Variants in RAB28 observed in about 807,000 individuals in gnomAD.
The protein encoded by RAB28 is ras-related protein Rab-28.
A neutral mutation model predicts 31.7 loss-of-function variants in RAB28; 24 were observed. The ratio of observed to expected loss-of-function variants is 0.76; its 90% CI spans 0.55 to 1.06. The LOEUF is 1.06. RAB28 is among the 50% of genes least tolerant of loss of function. RAB28 has a pLI of 0.00. For synonymous variants in RAB28, 100 were observed against 90.4 expected (o/e 1.11, Z -0.60); for missense variants, 254 against 258.5 (o/e 0.98, Z 0.12).
chr4:13,400,261 T>C (rs965961399), intron 4 of RAB28, among the ~76,000 whole-genome samples: 7 of 152,194 alleles, frequency 4.6e-5, no homozygotes, highest in Admixed American at 1.3e-4. Context: ...TAAGTCTTGA[T>C]AACTGGCATG....
chr4:13,370,689 G>A lies in RAB28; in HGVS notation c.574-2039C>T, dbSNP rs374247265. ...TGTCCAAGACTTCCTTATGATGCTC[G>A]CTCCCCCATTCCTCCCGATCCTAAC... On this transcript the variant is annotated intron_variant, in intron 6 of 6. Coordinates refer to ENST00000330852, the MANE Select transcript of RAB28 (RefSeq NM_001017979.3). 8.6e-5 allele frequency: 85 copies of A among 984,084 alleles called. 1 individual carries two copies. In the East Asian group the frequency reaches 4.8e-3, roughly 55 times the overall value. The allele number at this position is 984,084 out of a possible 1,614,324, so 61.0% of individuals were successfully genotyped here. A position where few individuals can be genotyped will look rare whatever the true frequency, so the allele number is the denominator to read the frequency against.
At chr4:13,369,909 G>A in intron 6 of RAB28, 1 of 1,612,242 alleles carries the variant, frequency 6.2e-7, no homozygotes, top group Non-Finnish European at 8.5e-7. Flanking sequence ...TCTGAGTAGA[G>A]GTGGTATGTT....
In RAB28 at chr4:13,368,026, C is replaced by A; in HGVS notation, c.*532G>T. ...AATGAAAAAATATTTCTATTACAGG[C>A]TTATTTCAAGCATTTTCAGTTAGAA... On this transcript the variant is annotated 3_prime_UTR_variant, in exon 7 of 7. Transcript: ENST00000330852. The A allele has an allele frequency of 1.0e-6, 1 of 972,700 alleles. No individual in the cohort carries two copies. Among genetic ancestry groups the A allele is most frequent in the South Asian group, 4.8e-5 (1 of 21,024 alleles). 60.3% of individuals were successfully genotyped at this position (972,700 alleles called of 1,614,324 possible).
chr4:13,481,895 T>A (rs1456045376), intron 1 of RAB28, among the ~76,000 whole-genome samples: 1 of 152,138 alleles, frequency 6.6e-6, no homozygotes, highest in Admixed American at 6.5e-5. Context: ...GAGGCTGAGT[T>A]CACAAAGAAA....
intron 5 of RAB28, among the ~76,000 whole-genome samples, chr4:13,380,306 A>G (rs1729077422): frequency 1.3e-5 from 2 of 152,092 alleles, no homozygotes; most frequent in Non-Finnish European, 2.9e-5. Context: ...AAACATCAAA[A>G]ATCTTAAACC....
At chr4:13,383,365 T>C (rs918907240) in intron 4 of RAB28, among the ~76,000 whole-genome samples, 5 of 152,156 alleles carry the variant, frequency 3.3e-5, no homozygotes, top group African/African-American at 9.7e-5. Flanking sequence ...GCTTTTTATT[T>C]CTCTTTCTCC....
At chr4:13,396,807 G>A (rs1041554247) in intron 4 of RAB28, among the ~76,000 whole-genome samples, 3 of 151,980 alleles carry the variant, frequency 2.0e-5, no homozygotes, top group Non-Finnish European at 4.4e-5. Flanking sequence ...GTATATTAAG[G>A]ATATCTGCCA....
chr4:13,479,230 A>C (rs1276699756), intron 2 of RAB28, among the ~76,000 whole-genome samples, 200 bp downstream of exon 2: 1 of 151,642 alleles, frequency 6.6e-6, no homozygotes, highest in Non-Finnish European at 1.5e-5. Context: ...GTGGGAGAGT[A>C]TATAAACTTT....
intron 4 of RAB28, among the ~76,000 whole-genome samples, chr4:13,393,903 A>C (rs1048840961): frequency 2.0e-5 from 3 of 152,064 alleles, no homozygotes; most frequent in Admixed American, 6.5e-5. Flanking sequence ...AAAAGAAGTA[A>C]AACAATACTT....
chr4:13,457,377 G>T (rs1715353818), intron 4 of RAB28, among the ~76,000 whole-genome samples: 1 of 152,090 alleles, frequency 6.6e-6, no homozygotes, highest in Admixed American at 6.5e-5. Context: ...TAGGGTTAAA[G>T]CCCTAATAGG....
At chr4:13,383,605 C>T (rs569306499) in intron 4 of RAB28, among the ~76,000 whole-genome samples, 1 of 152,230 alleles carries the variant, frequency 6.6e-6, no homozygotes, top group East Asian at 1.9e-4. Context: ...TGTCCTCATC[C>T]AAATCTCATC....
chr4:13,477,663 GT>G (rs762696401), intron 2 of RAB28, among the ~76,000 whole-genome samples: 3 of 150,710 alleles, frequency 2.0e-5, no homozygotes, highest in Middle Eastern at 3.2e-3. Context: ...AAAAATAGAA[GT>G]TTTTTTCTGG....
intron 4 of RAB28, among the ~76,000 whole-genome samples, chr4:13,407,409 G>T (rs1042345695): frequency 6.6e-5 from 10 of 152,166 alleles, no homozygotes; most frequent in African/African-American, 2.2e-4. Context: ...GGTTACTGCA[G>T]CCCCGTAGTA....
chr4:13,462,660 A>C (rs1463731540), intron 3 of RAB28, among the ~76,000 whole-genome samples: 1 of 152,094 alleles, frequency 6.6e-6, no homozygotes. Context: ...CTTATCTCTA[A>C]AATTCGATAT....
chr4:13,418,687 C>G (rs1712940666), intron 4 of RAB28, among the ~76,000 whole-genome samples: 1 of 152,190 alleles, frequency 6.6e-6, no homozygotes, highest in South Asian at 2.1e-4. Flanking sequence ...AAATCCTTTA[C>G]AGTCAAGCAA....
chr4:13,462,191 T>C (rs960516686), intron 3 of RAB28, among the ~76,000 whole-genome samples: 1 of 152,152 alleles, frequency 6.6e-6, no homozygotes, highest in Non-Finnish European at 1.5e-5. Context: ...TCAATTGGCT[T>C]GGGGTTCAGG....
intron 4 of RAB28, among the ~76,000 whole-genome samples, chr4:13,403,476 T>A (rs1711898148): frequency 6.6e-6 from 1 of 152,230 alleles, no homozygotes; most frequent in African/African-American, 2.4e-5. Context: ...CTGTTCCACT[T>A]GTCACAAAAT....
At chr4:13,428,209 A>G (rs1451161984) in intron 4 of RAB28, among the ~76,000 whole-genome samples, 2 of 152,190 alleles carry the variant, frequency 1.3e-5, no homozygotes, top group East Asian at 3.9e-4. Context: ...TGTGGATTTC[A>G]TTTGTCTTTC....
intron 4 of RAB28, among the ~76,000 whole-genome samples, chr4:13,386,760 G>A (rs549803840): frequency 7.9e-5 from 12 of 152,208 alleles, no homozygotes; most frequent in African/African-American, 2.6e-4. Context: ...ATACCCAAAG[G>A]AATATAAATC....
Sources: allele counts gnomAD v4.1 joint callset (sites outside exome capture counted in the v4.1 genomes callset), GRCh38; gene constraint gnomAD v4.1.1; transcripts MANE v1.5; gene names NCBI Gene and HGNC (gene_info 2026-07-23, HGNC 2026-07-21).